Variants in PLPPR5 observed in about 807,000 individuals in gnomAD.
PLPPR5 encodes phospholipid phosphatase-related protein type 5.
PLPPR5 carries 16 observed loss-of-function variants against 33.9 expected under a neutral mutation model. The observed-to-expected ratio is 0.47, with a 90% confidence interval of 0.32 to 0.72. The LOEUF is 0.72. PLPPR5 is among the 30% of genes least tolerant of loss of function. The pLI is 0.03. For synonymous variants in PLPPR5, 163 were observed against 150.3 expected, an observed-to-expected ratio of 1.08 and a Z score of -0.62; for missense variants, 301 against 406.7, an observed-to-expected ratio of 0.74 and a Z score of 2.23.
At chr1:99,003,056 C>CATAT (rs59686592) in intron 1 of PLPPR5, among the ~76,000 whole-genome samples, 6,460 of 80,744 alleles carry the variant, frequency 0.08, 416 homozygotes, top group East Asian at 0.13. Context: ...ACTTATTTTA[C>CATAT]ATATATATAT....
In PLPPR5 at chr1:98,956,520, C is replaced by T. The variant is rs562612491; in HGVS notation, c.370+89G>A. The T allele has an allele frequency of 1.6e-3, 2,028 of 1,286,166 alleles. 8 individuals carry two copies. The highest frequency in any genetic ancestry group is 2.0e-3 in the Non-Finnish European group (1,885 of 965,014). 79.7% of individuals were successfully genotyped at this position (1,286,166 alleles called of 1,614,324 possible). A position where few individuals can be genotyped will look rare whatever the true frequency, so the allele number is the denominator to read the frequency against. ...CAAAGAAAAAAACCCCTAATATTTG[C>T]AAACAGTTAACATGTGGGTTATTTT... On this transcript the variant is annotated intron_variant, in intron 2 of 5. Coordinates refer to ENST00000263177, the MANE Select transcript of PLPPR5 (RefSeq NM_001037317.2).
chr1:98,895,907 G>A (rs1398205651), intron 5 of PLPPR5, among the ~76,000 whole-genome samples: 2 of 151,964 alleles, frequency 1.3e-5, no homozygotes, highest in Non-Finnish European at 2.9e-5. Context: ...TTTAATCATA[G>A]TACATGAAAG....
intron 1 of PLPPR5, among the ~76,000 whole-genome samples, chr1:98,994,378 CA>C (rs1245635757): frequency 1.6e-4 from 25 of 152,060 alleles, no homozygotes; most frequent in African/African-American, 5.8e-4. Context: ...ATGCCAAACA[CA>C]AAACAGGTCA....
intron 1 of PLPPR5, among the ~76,000 whole-genome samples, chr1:98,993,399 A>T (rs1038394495): frequency 6.6e-6 from 1 of 152,070 alleles, no homozygotes; most frequent in African/African-American, 2.4e-5. Context: ...CAGGAAAAAT[A>T]AAAAGGGAAC....
At chr1:98,990,998 T>C (rs1485936370) in intron 1 of PLPPR5, 1 of 152,136 alleles carries the variant, frequency 6.6e-6, no homozygotes, top group Non-Finnish European at 1.5e-5. Flanking sequence ...TCTATAGGAA[T>C]TTATAATCTT....
intron 5 of PLPPR5, among the ~76,000 whole-genome samples, chr1:98,908,855 A>C (rs528320278): frequency 1.3e-4 from 20 of 152,258 alleles, no homozygotes; most frequent in Middle Eastern, 3.4e-3. Context: ...TGTGAGCCCT[A>C]AGGAAGTACA....
At chr1:98,912,936 C>T (rs1649206909) in intron 5 of PLPPR5, among the ~76,000 whole-genome samples, 1 of 152,102 alleles carries the variant, frequency 6.6e-6, no homozygotes, top group South Asian at 2.1e-4. Context: ...CTTGAATTCT[C>T]TCCAAAGTAC....
intron 1 of PLPPR5, among the ~76,000 whole-genome samples, chr1:98,980,471 T>A (rs1652025066): frequency 6.6e-6 from 1 of 152,084 alleles, no homozygotes; most frequent in Non-Finnish European, 1.5e-5. Flanking sequence ...TGAATGGAAA[T>A]CTTAATTAGA....
intron 3 of PLPPR5, among the ~76,000 whole-genome samples, chr1:98,932,913 C>T (rs1650036226): frequency 6.6e-6 from 1 of 152,120 alleles, no homozygotes; most frequent in African/African-American, 2.4e-5. Context: ...ACTACAGCTC[C>T]ACACTCCTTT....
At chr1:98,994,337 C>G (rs74110958) in intron 1 of PLPPR5, among the ~76,000 whole-genome samples, 200 of 152,138 alleles carry the variant, frequency 1.3e-3, no homozygotes, top group African/African-American at 4.6e-3. Context: ...CACACTGTTT[C>G]AATTCCAAGT....
chr1:98,976,092 T>TTA (rs987427949), intron 1 of PLPPR5, among the ~76,000 whole-genome samples: 1 of 74,706 alleles, frequency 1.3e-5, no homozygotes, highest in African/African-American at 4.8e-5. Flanking sequence ...TACTAAAAAG[T>TTA]AAAAAAAAAA....
At chr1:98,949,222 T>G (rs1273295567) in intron 3 of PLPPR5, among the ~76,000 whole-genome samples, 1 of 152,134 alleles carries the variant, frequency 6.6e-6, no homozygotes, top group Non-Finnish European at 1.5e-5. Flanking sequence ...CTCACAATTT[T>G]TTTTTTCCCG....
chr1:98,913,626 G>T (rs953240927), intron 5 of PLPPR5, among the ~76,000 whole-genome samples: 1 of 152,024 alleles, frequency 6.6e-6, no homozygotes, highest in African/African-American at 2.4e-5. Context: ...GTATCTTATT[G>T]CAGTCACTGA....
At chr1:98,896,974 G>T (rs1172663621) in intron 5 of PLPPR5, among the ~76,000 whole-genome samples, 1 of 152,008 alleles carries the variant, frequency 6.6e-6, no homozygotes, top group African/African-American at 2.4e-5. Context: ...TGCAAAAAGG[G>T]CACTCCAGGG....
chr1:98,951,734 G>T (rs1650791661), intron 3 of PLPPR5, among the ~76,000 whole-genome samples: 1 of 152,106 alleles, frequency 6.6e-6, no homozygotes, highest in Non-Finnish European at 1.5e-5. Flanking sequence ...ATGTCACAAG[G>T]TATTCCATAT....
At chr1:98,939,437 A>AT (rs1426017150) in intron 3 of PLPPR5, among the ~76,000 whole-genome samples, 2 of 151,760 alleles carry the variant, frequency 1.3e-5, no homozygotes, top group Non-Finnish European at 2.9e-5. Context: ...GGTAAAAAGA[A>AT]TTTTTTTCCC....
At chr1:98,960,999 C>G (rs558184445) in intron 1 of PLPPR5, among the ~76,000 whole-genome samples, 4 of 152,258 alleles carry the variant, frequency 2.6e-5, no homozygotes, top group African/African-American at 9.6e-5. Context: ...CTGACCAAAT[C>G]CTTGTTGGAG....
At chr1:98,973,998 A>G (rs1203006415) in intron 1 of PLPPR5, among the ~76,000 whole-genome samples, 3 of 152,012 alleles carry the variant, frequency 2.0e-5, no homozygotes. Context: ...CGTCTGGTGT[A>G]GTAAATCCTT....
At chr1:98,955,215 G>A in intron 2 of PLPPR5, among the ~76,000 whole-genome samples, 1 of 151,976 alleles carries the variant, frequency 6.6e-6, no homozygotes, top group African/African-American at 2.4e-5. Flanking sequence ...AGAAACAAAT[G>A]GGCTTTCATA....
Sources: gnomAD v4.1 joint callset for allele counts (sites outside exome capture counted in the v4.1 genomes callset) on GRCh38, gnomAD v4.1.1 for gene constraint, MANE v1.5 for transcripts, NCBI Gene and HGNC (gene_info 2026-07-23, HGNC 2026-07-21) for gene names.